LGR6: variants seen among roughly 807,000 people sequenced by gnomAD.
LGR6 encodes the protein leucine rich repeat containing G protein-coupled receptor 6.
A neutral mutation model predicts 69.4 loss-of-function variants in LGR6; 45 were observed. That is an observed-to-expected ratio of 0.65 (90% CI 0.51 to 0.83). The LOEUF (loss-of-function observed/expected upper bound fraction) is 0.83, where lower values mean the gene tolerates loss of function less well. Ranked by LOEUF, LGR6 falls within the 40% of genes least tolerant of loss-of-function variation. LGR6 has a pLI of 0.00. For synonymous variants in LGR6, 538 were observed against 555.0 expected (o/e 0.97, Z 0.43); for missense variants, 1,108 against 1,246.7 (o/e 0.89, Z 1.68).
intron 4 of LGR6, among the ~76,000 whole-genome samples, chr1:202,240,677 C>T (rs1472095158): frequency 6.6e-6 from 1 of 152,156 alleles, no homozygotes; most frequent in African/African-American, 2.4e-5. Flanking sequence ...GAGACCGCTT[C>T]AGGCCCCACA....
chr1:202,237,930 G>A (rs1661726733), intron 4 of LGR6, among the ~76,000 whole-genome samples: 1 of 150,790 alleles, frequency 6.6e-6, no homozygotes, highest in Non-Finnish European at 1.5e-5. Context: ...TATCTTCCCT[G>A]CCTCACAGGG....
rs372287043 is a variant in LGR6, at chr1:202,280,798, G to A, written c.662G>A (p.Arg221His). The A allele has an allele frequency of 1.7e-5, 27 of 1,614,008 alleles. No individual in the cohort carries two copies. Among genetic ancestry groups the A allele is most frequent in the Admixed American group, 3.3e-5 (2 of 60,008 alleles). The change falls in exon 6 of 18, where the codon CGC becomes CAC. Residue 221 changes from arginine to histidine, a missense_variant. By Grantham distance (29) the Arg-to-His change is conservative. Transcript: ENST00000367278. ...SLVVLHLHNN[R>H]IQHLGTHSFE... Reference sequence around the variant, plus strand: ...CCGTGCAGGCATTTGCATAACAACCGCATCCAGCATCTGGGGACCCACAGC... The same window carrying A: ...CCGTGCAGGCATTTGCATAACAACCACATCCAGCATCTGGGGACCCACAGC...
In LGR6 at chr1:202,227,628, A is replaced by G. The variant is rs182950477; in HGVS notation, c.285-308A>G. 2.5e-3 allele frequency among the ~76,000 whole-genome samples: 381 copies of G among 152,216 alleles called. 3 individuals carry two copies. Among genetic ancestry groups the G allele is most frequent in the Non-Finnish European group, 1.2e-3 (84 of 68,002 alleles). On this transcript the variant is annotated intron_variant, in intron 2 of 17. Transcript: ENST00000367278. ...GGGAAACTGTGGCCGTGAGCCTTCAAATTAGTCAGGTCTGGGTGAGAACAC... is the reference window on the plus strand; with the variant it reads ...GGGAAACTGTGGCCGTGAGCCTTCAGATTAGTCAGGTCTGGGTGAGAACAC...
At chr1:202,211,744 T>G (rs1659470306) in intron 1 of LGR6, among the ~76,000 whole-genome samples, 2 of 152,310 alleles carry the variant, frequency 1.3e-5, no homozygotes, top group Non-Finnish European at 2.9e-5. Context: ...TACATTTCCA[T>G]AAGCAAATAC....
chr1:202,206,905 ATTTAT>A (rs1659261648), intron 1 of LGR6, among the ~76,000 whole-genome samples: 1 of 79,142 alleles, frequency 1.3e-5, no homozygotes, highest in African/African-American at 3.2e-5. Context: ...TTATTTATTT[ATTTAT>A]TTATTTATTT....
At chr1:202,240,915 A>C (rs909845435) in intron 4 of LGR6, among the ~76,000 whole-genome samples, 1 of 152,192 alleles carries the variant, frequency 6.6e-6, no homozygotes, top group Non-Finnish European at 1.5e-5. Context: ...CTAAAGCTAC[A>C]TGAGATGTTC....
intron 4 of LGR6, among the ~76,000 whole-genome samples, chr1:202,261,482 A>G (rs978115230): frequency 6.6e-6 from 1 of 152,084 alleles, no homozygotes; most frequent in Non-Finnish European, 1.5e-5. Context: ...CCAGTCTATC[A>G]TTGTTGGACA....
chr1:202,310,549 C>T (rs1653641850), intron 16 of LGR6, among the ~76,000 whole-genome samples, 192 bp downstream of exon 16: 1 of 152,082 alleles, frequency 6.6e-6, no homozygotes, highest in Non-Finnish European at 1.5e-5. Context: ...AAGACTACAC[C>T]CAGAGGTGCT....
At chr1:202,303,059 G>A (rs992922536) in intron 9 of LGR6, among the ~76,000 whole-genome samples, 1 of 152,102 alleles carries the variant, frequency 6.6e-6, no homozygotes, top group Non-Finnish European at 1.5e-5. Context: ...GTCTGGGCGA[G>A]GGTGTGCTGA....
chr1:202,286,094 C>G (rs757118773), intron 6 of LGR6, among the ~76,000 whole-genome samples: 3 of 152,190 alleles, frequency 2.0e-5, no homozygotes, highest in Non-Finnish European at 4.4e-5. Flanking sequence ...ACCCTGTTAA[C>G]CAAGGATGAT....
chr1:202,303,849 C>T (rs1045860020), intron 10 of LGR6, among the ~76,000 whole-genome samples: 1 of 152,202 alleles, frequency 6.6e-6, no homozygotes, highest in African/African-American at 2.4e-5. Context: ...GGCTGCCCTG[C>T]CCCACACCAC....
intron 1 of LGR6, among the ~76,000 whole-genome samples, chr1:202,204,672 C>G (rs111205723): frequency 0.02 from 460 of 23,250 alleles, 25 homozygotes; most frequent in African/African-American, 0.071. Context: ...CACACACACG[C>G]CTCCAAACAC....
At position 202,276,462 on chromosome 1, in the gene LGR6, C is replaced by T; in HGVS notation, c.585C>T (p.Leu195=). 6.2e-7 allele frequency: 1 copy of T among 1,614,220 alleles called. No homozygotes were observed. The highest frequency in any genetic ancestry group is 1.6e-4 in the Middle Eastern group (1 of 6,062). Reference sequence around the variant, plus strand: ...CCCTGCAGGCCATGACCCTGGCCCTCAACCGCATCAGCCACATCCCCGACT... The same window carrying T: ...CCCTGCAGGCCATGACCCTGGCCCTTAACCGCATCAGCCACATCCCCGACT... The part of the protein sequence containing the change: ...LPALQAMTLA[L]NRISHIPDYA... Residue 195 remains leucine, a synonymous_variant, in exon 5 of 18, where the codon CTC becomes CTT. Transcript: ENST00000367278.
In LGR6 at chr1:202,228,208, A is replaced by C. The variant is rs1188454508; in HGVS notation, c.356+201A>C. The stretch of plus-strand genomic sequence containing the variant: ...TTTATGATTTGTAAATAAACATTTA[A>C]TTGTACCTGCTACATTCAGCCACAC... On this transcript the variant is annotated intron_variant, in intron 3 of 17. Transcript: ENST00000367278. 2.0e-5 allele frequency among the ~76,000 whole-genome samples: 3 copies of C among 152,240 alleles called. No homozygotes were observed. In the East Asian group the frequency reaches 5.8e-4, roughly 29 times the overall value.
intron 4 of LGR6, 63 bp downstream of exon 4, chr1:202,236,056 G>A (rs925431895): frequency 2.9e-5 from 41 of 1,408,572 alleles, no homozygotes; most frequent in Admixed American, 8.4e-5. Context: ...CACAGCCCAG[G>A]GCCCCCTGCC....
At position 202,276,386 on chromosome 1, in the gene LGR6, A is replaced by T; in HGVS notation, c.509A>T (p.Asp170Val). The change falls in exon 5 of 18, where the codon GAC (aspartate) becomes GTC (valine). Residue 170 changes from aspartate (D) to valine (V), a missense_variant. By Grantham distance (152) the Asp-to-Val change is radical (BLOSUM62 -3). Coordinates refer to ENST00000367278, the MANE Select transcript of LGR6 (RefSeq NM_001017403.2). ...TCCTCCCTCCGCCACCTCTGGCTGG[A>T]CGACAATGCACTCACGGAGATCCCT... is the stretch of plus-strand genomic sequence containing the variant. ...GLSSLRHLWLDDNALTEIPVR... is the reference protein window; with the variant it reads ...GLSSLRHLWLVDNALTEIPVR... The T allele has an allele frequency of 1.2e-6, 2 of 1,614,138 alleles. No homozygotes were observed. The highest frequency in any genetic ancestry group is 1.7e-6 in the Non-Finnish European group (2 of 1,180,006).
intron 2 of LGR6, among the ~76,000 whole-genome samples, chr1:202,226,690 T>C (rs965352771): frequency 1.3e-5 from 2 of 152,092 alleles, no homozygotes; most frequent in African/African-American, 4.8e-5. Context: ...AATGTCCAGG[T>C]GAGGCTGAAG....
intron 1 of LGR6, among the ~76,000 whole-genome samples, chr1:202,201,130 G>A (rs1214761472): frequency 6.6e-6 from 1 of 152,192 alleles, no homozygotes; most frequent in East Asian, 1.9e-4. Flanking sequence ...TTTGAGGCTG[G>A]GACCAGGGAA....
Position 202,319,428 on chromosome 1 carries a change from A to C in LGR6, c.*221A>C. The stretch of plus-strand genomic sequence containing the variant: ...TGGCCTTCCTCAGCTTCACCTTGAT[A>C]CTGGGCCTCTTCCTTGTCATGTCTG... On this transcript the variant is annotated 3_prime_UTR_variant, in exon 18 of 18. Coordinates refer to ENST00000367278, the MANE Select transcript of LGR6 (RefSeq NM_001017403.2). The C allele has an allele frequency of 1.9e-6, 1 of 513,092 alleles. No individual in the cohort carries two copies. Among genetic ancestry groups the C allele is most frequent in the Non-Finnish European group, 3.4e-6 (1 of 294,558 alleles). The allele number at this position is 513,092 out of a possible 1,614,324, so 31.8% of individuals were successfully genotyped here. A position where few individuals can be genotyped will look rare whatever the true frequency, so the allele number is the denominator to read the frequency against.
Sources: gnomAD v4.1 joint callset for allele counts (sites outside exome capture counted in the v4.1 genomes callset) on GRCh38, gnomAD v4.1.1 for gene constraint, MANE v1.5 for transcripts, NCBI Gene and HGNC (gene_info 2026-07-23, HGNC 2026-07-21) for gene names.